EPB41L4A: variants seen among roughly 807,000 people sequenced by gnomAD.
EPB41L4A encodes erythrocyte membrane protein band 4.1 like 4A, also known as band 4.1-like protein 4A.
A neutral mutation model predicts 108.6 loss-of-function variants in EPB41L4A; 100 were observed. The ratio of observed to expected loss-of-function variants is 0.92; its 90% CI spans 0.78 to 1.09. The LOEUF is 1.09. EPB41L4A is among the 50% of genes least tolerant of loss of function. EPB41L4A has a pLI of 0.00. For synonymous variants in EPB41L4A, 319 were observed against 289.0 expected, an observed-to-expected ratio of 1.10 and a Z score of -1.05; for missense variants, 1,030 against 842.7, an observed-to-expected ratio of 1.22 and a Z score of -2.75.
intron 3 of EPB41L4A, among the ~76,000 whole-genome samples, chr5:112,276,381 CATTAT>C (rs1322110418): frequency 6.6e-6 from 1 of 152,148 alleles, no homozygotes; most frequent in Non-Finnish European, 1.5e-5. Flanking sequence ...GTGCTGAACA[CATTAT>C]ATTATGCTTT....
chr5:112,169,044 G>A lies in EPB41L4A; in HGVS notation c.1801C>T (p.Arg601Cys), dbSNP rs781207403. 1.1e-5 allele frequency: 18 copies of A among 1,613,990 alleles called. No homozygotes were observed. The highest frequency in any genetic ancestry group is 6.7e-5 in the East Asian group (3 of 44,894). Residue 601 changes from arginine to cysteine, a missense_variant, in exon 21 of 23, where the codon CGC becomes TGC. Coordinates refer to ENST00000261486, the MANE Select transcript of EPB41L4A (RefSeq NM_022140.5). ...SHSPRSYRQYRRSQCSDGERS... is the reference protein window; with the variant it reads ...SHSPRSYRQYCRSQCSDGERS... Reference sequence around the variant, plus strand: ...TCCCCATCTGAACACTGGGACCTGCGATACTGGCGGTAACTTCGTGGCGAA... The same window carrying A: ...TCCCCATCTGAACACTGGGACCTGCAATACTGGCGGTAACTTCGTGGCGAA...
chr5:112,359,515 T>C (rs1321580387), intron 1 of EPB41L4A, among the ~76,000 whole-genome samples: 2 of 152,008 alleles, frequency 1.3e-5, no homozygotes, highest in Non-Finnish European at 2.9e-5. Flanking sequence ...GATTCAAGGA[T>C]ACATAGAAGA....
At chr5:112,216,752 A>T (rs1307194403) in intron 12 of EPB41L4A, among the ~76,000 whole-genome samples, 3 of 152,204 alleles carry the variant, frequency 2.0e-5, no homozygotes, top group Non-Finnish European at 2.9e-5. Context: ...GATATTTGTG[A>T]ATTAAGAACT....
intron 1 of EPB41L4A, among the ~76,000 whole-genome samples, chr5:112,334,090 CTTTGGAG>C (rs1756767341): frequency 6.6e-6 from 1 of 152,106 alleles, no homozygotes; most frequent in Admixed American, 6.6e-5. Flanking sequence ...ACGCTCCTCC[CTTTGGAG>C]TTCAGGCACA....
intron 12 of EPB41L4A, among the ~76,000 whole-genome samples, chr5:112,217,543 T>G (rs1747740282): frequency 6.6e-6 from 1 of 152,056 alleles, no homozygotes; most frequent in Admixed American, 6.6e-5. Flanking sequence ...ACAAAAAAAG[T>G]TTTTTTAATT....
At chr5:112,273,906 A>G (rs974719800) in intron 4 of EPB41L4A, among the ~76,000 whole-genome samples, 1 of 152,152 alleles carries the variant, frequency 6.6e-6, no homozygotes, top group African/African-American at 2.4e-5. Flanking sequence ...TGTGCTCTGC[A>G]AAAGCTTAAA....
intron 1 of EPB41L4A, among the ~76,000 whole-genome samples, chr5:112,339,519 G>T (rs5007787): frequency 0.65 from 75,691 of 116,514 alleles, 21,829 homozygotes; most frequent in South Asian, 0.74. Context: ...TAGATATATA[G>T]ATATATATCT....
At chr5:112,313,371 C>A (rs1329457720) in intron 1 of EPB41L4A, among the ~76,000 whole-genome samples, 1 of 152,180 alleles carries the variant, frequency 6.6e-6, no homozygotes, top group Non-Finnish European at 1.5e-5. Flanking sequence ...GCGGGTGGAT[C>A]ATGAGGTCAG....
At chr5:112,412,622 T>C (rs1762475504) in intron 1 of EPB41L4A, among the ~76,000 whole-genome samples, 1 of 152,234 alleles carries the variant, frequency 6.6e-6, no homozygotes, top group African/African-American at 2.4e-5. Flanking sequence ...GGTGCCTGTT[T>C]AATCTTAACA....
At chr5:112,269,819 G>A (rs1045174736) in intron 4 of EPB41L4A, among the ~76,000 whole-genome samples, 2 of 152,162 alleles carry the variant, frequency 1.3e-5, no homozygotes, top group African/African-American at 2.4e-5. Context: ...GAGGCTTCAT[G>A]AAGCAGTTTC....
At chr5:112,262,625 A>G (rs762902745) in intron 6 of EPB41L4A, 44 bp from the exon 7 acceptor site, 2 of 1,489,938 alleles carry the variant, frequency 1.3e-6, no homozygotes, top group South Asian at 2.3e-5. Flanking sequence ...TACAGCAGCT[A>G]CTGCACTTAC....
chr5:112,415,405 G>A (rs951409444), intron 1 of EPB41L4A, among the ~76,000 whole-genome samples: 11 of 152,108 alleles, frequency 7.2e-5, no homozygotes, highest in East Asian at 5.8e-4. Flanking sequence ...ATACTCATAG[G>A]GAAAAATGAG....
chr5:112,164,899 G>C lies in EPB41L4A; in HGVS notation c.*91C>G, dbSNP rs554109431. ...ATGCTGAAGAAATACTTGCAGGTCT[G>C]AGATTTGAATTAAGATACCTATTTC... On this transcript the variant is annotated 3_prime_UTR_variant, in exon 23 of 23. Coordinates refer to ENST00000261486, the MANE Select transcript of EPB41L4A (RefSeq NM_022140.5). 2 of 1,254,134 alleles carry C rather than the reference G, an allele frequency of 1.6e-6. No homozygotes were observed. The highest frequency in any genetic ancestry group is 1.9e-5 in the South Asian group (1 of 53,148). 77.7% of individuals were successfully genotyped at this position (1,254,134 alleles called of 1,614,324 possible). A position where few individuals can be genotyped will look rare whatever the true frequency, so the allele number is the denominator to read the frequency against.
At chr5:112,380,229 GA>G (rs1384409652) in intron 1 of EPB41L4A, among the ~76,000 whole-genome samples, 1 of 152,110 alleles carries the variant, frequency 6.6e-6, no homozygotes, top group Non-Finnish European at 1.5e-5. Context: ...AAACTAGTCA[GA>G]TTTAGAAGGA....
chr5:112,280,362 G>A, intron 2 of EPB41L4A, 39 bp from the exon 3 acceptor site: 1 of 1,568,428 alleles, frequency 6.4e-7, no homozygotes, highest in Non-Finnish European at 8.8e-7. Flanking sequence ...GAAATTAGTT[G>A]CTTTTCATTA....
At chr5:112,193,969 T>G (rs1761835154) in intron 17 of EPB41L4A, among the ~76,000 whole-genome samples, 1 of 152,158 alleles carries the variant, frequency 6.6e-6, no homozygotes, top group African/African-American at 2.4e-5. Flanking sequence ...CACAAATACT[T>G]CTTGTTTTCG....
intron 12 of EPB41L4A, among the ~76,000 whole-genome samples, chr5:112,223,274 T>G (rs1748202185): frequency 6.6e-6 from 1 of 151,792 alleles, no homozygotes; most frequent in Admixed American, 6.6e-5. Context: ...CTCACCTATC[T>G]CTCCCTATAA....
chr5:112,183,788 A>G (rs537382370), intron 18 of EPB41L4A, among the ~76,000 whole-genome samples: 1 of 152,336 alleles, frequency 6.6e-6, no homozygotes, highest in South Asian at 2.1e-4. Flanking sequence ...ACACAAAACA[A>G]AAATATGGCT....
intron 12 of EPB41L4A, among the ~76,000 whole-genome samples, chr5:112,224,423 G>C (rs1000017565): frequency 3.3e-5 from 5 of 152,088 alleles, no homozygotes; most frequent in Admixed American, 3.3e-4. Context: ...AAATTCCACT[G>C]TATCTATTTT....
Sources: allele counts gnomAD v4.1 joint callset (sites outside exome capture counted in the v4.1 genomes callset), GRCh38; gene constraint gnomAD v4.1.1; transcripts MANE v1.5; gene names NCBI Gene and HGNC (gene_info 2026-07-23, HGNC 2026-07-21).